Variants in AKR1C3 observed in about 807,000 individuals in gnomAD.
AKR1C3 encodes 3-alpha hydroxysteroid dehydrogenase, type II.
A neutral mutation model predicts 43.6 loss-of-function variants in AKR1C3; 48 were observed. The ratio of observed to expected loss-of-function variants is 1.10; its 90% confidence interval spans 0.87 to 1.40. The LOEUF (loss-of-function observed/expected upper bound fraction) is 1.40. Among genes scored for constraint, AKR1C3 ranks in the 40% most tolerant of loss-of-function variants. The pLI is 0.00. For synonymous variants in AKR1C3, 162 were observed against 139.6 expected, an observed-to-expected ratio of 1.16 and a Z score of -1.13; for missense variants, 482 against 391.2, an observed-to-expected ratio of 1.23 and a Z score of -1.96.
intron 5 of AKR1C3, among the ~76,000 whole-genome samples, chr10:5,100,935 A>C (rs1839334479): frequency 6.6e-6 from 1 of 152,232 alleles, no homozygotes; most frequent in African/African-American, 2.4e-5. Flanking sequence ...TAATATTTTC[A>C]AAATCTCTTT....
At chr10:5,068,016 T>C (rs980157644) in intron 1 of AKR1C3, among the ~76,000 whole-genome samples, 25 of 152,228 alleles carry the variant, frequency 1.6e-4, no homozygotes, top group Non-Finnish European at 8.8e-5. Context: ...ATGGAGTTTA[T>C]TCAAATTGTA....
intron 5 of AKR1C3, among the ~76,000 whole-genome samples, chr10:5,101,639 C>T (rs1390806501): frequency 2.0e-5 from 3 of 152,158 alleles, no homozygotes; most frequent in Non-Finnish European, 2.9e-5. Flanking sequence ...TTTGTTAGTG[C>T]TCATTCTTAC....
chr10:5,059,789 G>A (rs553075914), intron 1 of AKR1C3, among the ~76,000 whole-genome samples: 27 of 151,958 alleles, frequency 1.8e-4, no homozygotes, highest in African/African-American at 4.8e-4. Context: ...CTCACCCCTC[G>A]GCGATAGTCT....
In AKR1C3 at chr10:5,102,134, T is replaced by A; in HGVS notation, c.604T>A (p.Leu202Met). 1 of 1,613,964 alleles carries A rather than the reference T, an allele frequency of 6.2e-7. No homozygotes were observed. The highest frequency in any genetic ancestry group is 2.2e-5 in the East Asian group (1 of 44,854). ...TCATCCGTATTTCAACCGGAGTAAA[T>A]TGCTAGATTTCTGCAAGTCGAAAGA... is the stretch of plus-strand genomic sequence containing the variant. ...ECHPYFNRSKLLDFCKSKDIV... is the reference protein window; with the variant it reads ...ECHPYFNRSKMLDFCKSKDIV... Residue 202 changes from leucine (L) to methionine (M), a missense_variant, in exon 6 of 9, where the codon TTG becomes ATG. By Grantham distance (15) the Leu-to-Met change is conservative (BLOSUM62 2). Transcript: ENST00000380554.
chr10:5,095,814 G>A (rs951868263), intron 1 of AKR1C3, among the ~76,000 whole-genome samples: 2 of 152,000 alleles, frequency 1.3e-5, no homozygotes, highest in Non-Finnish European at 2.9e-5. Context: ...TACCCCTAGT[G>A]TTCAGTTCTG....
chr10:5,106,614 G>A (rs1839505732), intron 8 of AKR1C3, among the ~76,000 whole-genome samples: 2 of 152,206 alleles, frequency 1.3e-5, no homozygotes, highest in South Asian at 4.2e-4. Context: ...AGCCAGGCAT[G>A]GTGACACTTA....
intron 1 of AKR1C3, among the ~76,000 whole-genome samples, chr10:5,055,821 G>T (rs1447195802): frequency 1.3e-5 from 2 of 152,166 alleles, no homozygotes; most frequent in Admixed American, 1.3e-4. Flanking sequence ...CCTTGATTAG[G>T]GTATAGAAGG....
At chr10:5,080,684 G>C (rs1225777788) in intron 1 of AKR1C3, 1 of 152,364 alleles carries the variant, frequency 6.6e-6, no homozygotes, top group Admixed American at 6.5e-5. Flanking sequence ...TGAATGTGTA[G>C]TGTTTAGGAA....
chr10:5,076,663 C>T (rs1415860924), intron 1 of AKR1C3, among the ~76,000 whole-genome samples: 2 of 152,032 alleles, frequency 1.3e-5, no homozygotes, highest in African/African-American at 4.8e-5. Flanking sequence ...CTAATTCATG[C>T]CTTCTATTTC....
intron 1 of AKR1C3, among the ~76,000 whole-genome samples, chr10:5,052,831 A>T (rs1838179542): frequency 6.6e-6 from 1 of 151,870 alleles, no homozygotes; most frequent in African/African-American, 2.4e-5. Context: ...CCTGAGCTAG[A>T]TGCAGGGTGC....
At chr10:5,097,813 C>T in intron 3 of AKR1C3, 2 of 1,209,918 alleles carry the variant, frequency 1.7e-6, no homozygotes, top group South Asian at 1.7e-5. Flanking sequence ...TCTTTCAAGG[C>T]ACTGTCTTAG....
chr10:5,105,371 TTGTC>T (rs1839474039), intron 7 of AKR1C3: 5 of 353,244 alleles, frequency 1.4e-5, no homozygotes, highest in Non-Finnish European at 2.6e-5. Context: ...AATTTTCTCT[TTGTC>T]TGCAGAGTTG....
At chr10:5,094,141 C>T, upstream of AKR1C3, 2 of 197,152 alleles carry the variant, frequency 1.0e-5, no homozygotes, top group African/African-American at 2.4e-5. Flanking sequence ...TCTACAAATC[C>T]TTTTGAATAA....
In AKR1C3 at chr10:5,102,661, G is replaced by A; in HGVS notation, c.846+11G>A. ...AGACAGAACGTGCAGGTGAGGAGCG[G>A]GGCTGTGGGCCTCAGGTCTCCTGCA... On this transcript the variant is annotated intron_variant, in intron 7 of 8. Coordinates refer to ENST00000380554, the MANE Select transcript of AKR1C3 (RefSeq NM_003739.6). 1.4e-6 allele frequency: 2 copies of A among 1,453,020 alleles called. No homozygotes were observed. The highest frequency in any genetic ancestry group is 3.0e-5 in the South Asian group (2 of 67,624). 90.0% of individuals were successfully genotyped at this position (1,453,020 alleles called of 1,614,324 possible). A position where few individuals can be genotyped will look rare whatever the true frequency, so the allele number is the denominator to read the frequency against.
chr10:5,103,203 G>A (rs1270716616), intron 7 of AKR1C3, among the ~76,000 whole-genome samples: 5 of 152,136 alleles, frequency 3.3e-5, no homozygotes, highest in African/African-American at 1.2e-4. Flanking sequence ...TTCATCTTCA[G>A]AAATGTGGAG....
intron 1 of AKR1C3, among the ~76,000 whole-genome samples, chr10:5,066,386 G>C (rs1354517437): frequency 6.6e-6 from 1 of 152,222 alleles, no homozygotes; most frequent in Middle Eastern, 3.4e-3. Context: ...GGGCCTTAGT[G>C]CCACTCTCAG....
intron 1 of AKR1C3, among the ~76,000 whole-genome samples, chr10:5,059,450 T>C (rs1564353930): frequency 6.6e-6 from 1 of 152,128 alleles, no homozygotes; most frequent in African/African-American, 2.4e-5. Context: ...TCAACCAACT[T>C]GTCATCAGGA....
chr10:5,100,916 AAATACATAT>A (rs1839333849), intron 5 of AKR1C3, among the ~76,000 whole-genome samples: 2 of 151,792 alleles, frequency 1.3e-5, no homozygotes, highest in African/African-American at 4.8e-5. Context: ...ATATCTGCAT[AAATACATAT>A]AATATTTTCA....
upstream of AKR1C3, among the ~76,000 whole-genome samples, chr10:5,092,672 C>A (rs1439609604): frequency 6.6e-6 from 1 of 151,958 alleles, no homozygotes. Context: ...TTGATACACT[C>A]ATTTTTCCGT....
Sources: gnomAD v4.1 joint callset for allele counts (sites outside exome capture counted in the v4.1 genomes callset) on GRCh38, gnomAD v4.1.1 for gene constraint, MANE v1.5 for transcripts, NCBI Gene and HGNC (gene_info 2026-07-23, HGNC 2026-07-21) for gene names.